Variants in CAMK1D observed in about 807,000 individuals in gnomAD.
The protein encoded by CAMK1D is calcium/calmodulin dependent protein kinase ID, also known as calcium/calmodulin-dependent protein kinase type 1D.
In CAMK1D, 9 loss-of-function variants were observed where a neutral mutation model predicts 47.7. The ratio of observed to expected loss-of-function variants is 0.19; its 90% CI spans 0.11 to 0.33. CAMK1D has a LOEUF of 0.33. Ranked by LOEUF, CAMK1D falls within the 10% of genes least tolerant of loss-of-function variation. The pLI is 1.00. For missense variants in CAMK1D, 291 were observed against 488.7 expected (o/e 0.60, Z 3.81); for synonymous variants, 184 against 184.9 (o/e 0.99, Z 0.04).
At chr10:12,826,424 G>A (rs189607892) in intron 10 of CAMK1D, among the ~76,000 whole-genome samples, 1 of 152,300 alleles carries the variant, frequency 6.6e-6, no homozygotes, top group East Asian at 1.9e-4. Flanking sequence ...TTTATGTGAA[G>A]TGCATTGACT....
intron 1 of CAMK1D, among the ~76,000 whole-genome samples, chr10:12,388,064 G>C (rs1440233603): frequency 2.0e-5 from 3 of 152,084 alleles, no homozygotes; most frequent in African/African-American, 7.2e-5. Flanking sequence ...CTTGTTCTTT[G>C]AGTAGGTTGA....
intron 1 of CAMK1D, among the ~76,000 whole-genome samples, chr10:12,520,967 G>GGGGA (rs1564387952): frequency 8.1e-5 from 2 of 24,604 alleles, no homozygotes; most frequent in African/African-American, 3.3e-4. Flanking sequence ...GGAGGGGGAG[G>GGGGA]GGGAGAGCTT....
intron 2 of CAMK1D, among the ~76,000 whole-genome samples, chr10:12,598,346 T>C (rs1406162215): frequency 6.6e-6 from 1 of 152,256 alleles, no homozygotes; most frequent in African/African-American, 2.4e-5. Flanking sequence ...TTCCTGCAGC[T>C]GTTCTCCAGC....
chr10:12,543,849 G>C (rs924188946), intron 1 of CAMK1D, among the ~76,000 whole-genome samples: 2 of 152,100 alleles, frequency 1.3e-5, no homozygotes, highest in Non-Finnish European at 2.9e-5. Context: ...TAACAGCATG[G>C]AGAGCCAACC....
chr10:12,694,106 ATAATATATAT>A (rs1833085734), intron 3 of CAMK1D, among the ~76,000 whole-genome samples: 2 of 57,476 alleles, frequency 3.5e-5, no homozygotes, highest in African/African-American at 1.4e-4. Flanking sequence ...TATATAATAT[ATAATATATAT>A]TATGCATAAT....
chr10:12,353,874 C>T (rs901215019), intron 1 of CAMK1D, among the ~76,000 whole-genome samples: 4 of 152,000 alleles, frequency 2.6e-5, no homozygotes, highest in African/African-American at 9.7e-5. Flanking sequence ...GTGTATTTGC[C>T]AAGGCTGTTC....
At chr10:12,612,154 G>T (rs917562460) in intron 2 of CAMK1D, among the ~76,000 whole-genome samples, 5 of 152,096 alleles carry the variant, frequency 3.3e-5, no homozygotes, top group African/African-American at 1.2e-4. Flanking sequence ...GCTGCTGTGG[G>T]TTGCTTCATG....
At chr10:12,625,529 G>A (rs1839186096) in intron 2 of CAMK1D, among the ~76,000 whole-genome samples, 1 of 150,236 alleles carries the variant, frequency 6.7e-6, no homozygotes, top group African/African-American at 2.5e-5. Flanking sequence ...GTAGAGACGG[G>A]TATGCTGCCC....
chr10:12,479,988 A>G (rs1281698548), intron 1 of CAMK1D, among the ~76,000 whole-genome samples: 2 of 152,062 alleles, frequency 1.3e-5, no homozygotes, highest in Non-Finnish European at 2.9e-5. Flanking sequence ...AAAAAGGCCT[A>G]AGCACCCCTT....
intron 1 of CAMK1D, among the ~76,000 whole-genome samples, chr10:12,387,955 T>TGAGC (rs1838583345): frequency 6.6e-6 from 1 of 152,116 alleles, no homozygotes; most frequent in South Asian, 2.1e-4. Context: ...CATGAGTGAG[T>TGAGC]GAGCAGATGG....
chr10:12,384,492 C>T (rs1043806063), intron 1 of CAMK1D, among the ~76,000 whole-genome samples: 1 of 152,176 alleles, frequency 6.6e-6, no homozygotes, highest in Non-Finnish European at 1.5e-5. Context: ...GTGTATAGAT[C>T]AGTGGACTAG....
intron 3 of CAMK1D, among the ~76,000 whole-genome samples, chr10:12,747,740 G>T (rs1423408649): frequency 6.6e-6 from 1 of 152,158 alleles, no homozygotes; most frequent in African/African-American, 2.4e-5. Context: ...ATGAGTTTCA[G>T]TCTGAAAGCC....
At chr10:12,790,920 C>G (rs1285609630) in intron 5 of CAMK1D, among the ~76,000 whole-genome samples, 1 of 151,944 alleles carries the variant, frequency 6.6e-6, no homozygotes, top group Admixed American at 6.6e-5. Flanking sequence ...TGCTTGAGCC[C>G]AGGAGGTCAA....
chr10:12,431,692 C>T (rs1185192441), intron 1 of CAMK1D, among the ~76,000 whole-genome samples: 1 of 152,190 alleles, frequency 6.6e-6, no homozygotes, highest in Non-Finnish European at 1.5e-5. Context: ...TTTAATAAAG[C>T]CTCTGATCTC....
intron 1 of CAMK1D, among the ~76,000 whole-genome samples, chr10:12,500,881 A>G (rs1390283718): frequency 6.6e-6 from 1 of 152,214 alleles, no homozygotes; most frequent in East Asian, 1.9e-4. Context: ...GCTGTTATTA[A>G]CTGCCTATTG....
chr10:12,563,664 T>TGAGAGA lies in CAMK1D; in HGVS notation c.224+10338_224+10343dup, dbSNP rs373932374. Among the ~76,000 whole-genome samples the TGAGAGA allele has an allele frequency of 9.9e-3, 1,294 of 130,100 alleles. 12 individuals carry two copies. Among genetic ancestry groups the TGAGAGA allele is most frequent in the Middle Eastern group, 0.054 (12 of 222 alleles). The allele number at this position is 130,100 out of a possible 152,430, so 85.4% of individuals were successfully genotyped here. A position where few individuals can be genotyped will look rare whatever the true frequency, so the allele number is the denominator to read the frequency against. ...GGCATTCCAGAAGAGGCGGAAGGTTTGAGAGAGAGAGAGAGAGAGAGAGAG... is the reference window on the plus strand; with the variant it reads ...GGCATTCCAGAAGAGGCGGAAGGTTTGAGAGAGAGAGAGAGAGAGAGAGAGAGAGAG... On this transcript the variant is annotated intron_variant, in intron 2 of 10. Transcript: ENST00000619168.
chr10:12,542,832 G>A (rs1054175004), intron 1 of CAMK1D, among the ~76,000 whole-genome samples: 5 of 151,088 alleles, frequency 3.3e-5, no homozygotes, highest in Admixed American at 6.6e-5. Context: ...AACAACCTCC[G>A]CCTCCCGGGT....
chr10:12,794,849 C>T (rs576303773), intron 6 of CAMK1D, among the ~76,000 whole-genome samples: 26 of 152,256 alleles, frequency 1.7e-4, no homozygotes, highest in Middle Eastern at 3.4e-3. Flanking sequence ...CCATATAACA[C>T]GACTGCACTT....
intron 1 of CAMK1D, among the ~76,000 whole-genome samples, chr10:12,550,083 A>C (rs1466842908): frequency 2.0e-5 from 3 of 152,182 alleles, no homozygotes; most frequent in Admixed American, 6.5e-5. Context: ...GGGGCAGCCC[A>C]GGAGGAGAGG....
Sources: allele counts gnomAD v4.1 joint callset (sites outside exome capture counted in the v4.1 genomes callset), GRCh38; gene constraint gnomAD v4.1.1; transcripts MANE v1.5; gene names NCBI Gene and HGNC (gene_info 2026-07-23, HGNC 2026-07-21).